Variants in ZNF551 observed in about 807,000 individuals in gnomAD.
The protein encoded by ZNF551 is zinc finger protein 551.
A neutral mutation model predicts 7.9 loss-of-function variants in ZNF551; 5 were observed. That is an observed-to-expected ratio of 0.63 (90% CI 0.33 to 1.33). The LOEUF is 1.33. Ranked by LOEUF, ZNF551 falls within the 40% of genes most tolerant of loss-of-function variation. ZNF551 has a pLI of 0.05. For synonymous variants in ZNF551, 287 were observed against 277.3 expected (o/e 1.03, Z -0.35); for missense variants, 788 against 825.2 (o/e 0.95, Z 0.55).
chr19:57,686,894 A>C lies in ZNF551; in HGVS notation c.619A>C (p.Ser207Arg). 19 of 1,614,238 alleles carry C rather than the reference A, an allele frequency of 1.2e-5. No homozygotes were observed. The highest frequency in any genetic ancestry group is 1.6e-5 in the Non-Finnish European group (19 of 1,180,044). ...CACTCCCAGTGGTGAGGAGCCACAC[A>C]GTAGCAGCAGCAAGCATATACAGGC... ...EATPSGEEPH[S>R]SSSKHIQAFF... The change falls in exon 3 of 3, where the codon AGT (serine) becomes CGT (arginine). Residue 207 changes from serine to arginine, a missense_variant. Physicochemically the swap from Ser to Arg is moderately radical, Grantham distance 110 (BLOSUM62 -1). Transcript: ENST00000282296.
intron 1 of ZNF551, among the ~76,000 whole-genome samples, chr19:57,684,880 G>C (rs1284615735): frequency 6.6e-6 from 1 of 152,174 alleles, no homozygotes; most frequent in African/African-American, 2.4e-5. Context: ...AGTCAGAGGG[G>C]TAAAGGGTAA....
At chr19:57,685,491 C>A in intron 2 of ZNF551, 106 bp downstream of exon 2, 1 of 1,556,392 alleles carries the variant, frequency 6.4e-7, no homozygotes, top group Non-Finnish European at 8.9e-7. Context: ...TTTTTCTTGT[C>A]TTCCCCCTGT....
Position 57,687,106 on chromosome 19 carries a change from G to C in ZNF551, c.831G>C (p.Lys277Asn). Residue 277 changes from lysine to asparagine, a missense_variant, in exon 3 of 3, where the codon AAG becomes AAC. Lys to Asn is a moderately conservative substitution (Grantham distance 94). Transcript: ENST00000282296. ...VQHQQIHTGQ[K>N]MFECSECEES... ...ACCAGCAAATTCACACTGGACAAAA[G>C]ATGTTTGAGTGTAGTGAATGTGAGG... The C allele has an allele frequency of 6.2e-7, 1 of 1,614,238 alleles. No homozygotes were observed. The highest frequency in any genetic ancestry group is 1.6e-4 in the Middle Eastern group (1 of 6,062).
chr19:57,687,504 G>T lies in ZNF551; in HGVS notation c.1229G>T (p.Arg410Ile). ...FRQIFNLIRH[R>I]RVHTGEMPYQ... ...CAAATCTTCAATCTCATTCGACATA[G>T]AAGAGTTCACACTGGAGAAATGCCT... The change falls in exon 3 of 3, where the codon AGA becomes ATA. Residue 410 changes from arginine to isoleucine, a missense_variant. Arg to Ile is a moderately conservative substitution (Grantham distance 97). Coordinates refer to ENST00000282296, the MANE Select transcript of ZNF551 (RefSeq NM_138347.5). 1.2e-6 allele frequency: 2 copies of T among 1,613,798 alleles called. No homozygotes were observed. Among genetic ancestry groups the T allele is most frequent in the South Asian group, 2.2e-5 (2 of 91,068 alleles).
At chr19:57,684,359 G>A (rs1250807627) in intron 1 of ZNF551, among the ~76,000 whole-genome samples, 1 of 152,102 alleles carries the variant, frequency 6.6e-6, no homozygotes, top group Non-Finnish European at 1.5e-5. Flanking sequence ...AGAGAAGTGT[G>A]GTAGAGTATT....
At position 57,688,391 on chromosome 19, in the gene ZNF551, ATTC is replaced by A. The variant is rs1434910343; in HGVS notation, c.*107_*109del. The A allele has an allele frequency of 7.5e-6, 11 of 1,458,924 alleles. No homozygotes were observed. The highest frequency in any genetic ancestry group is 2.1e-5 in the Admixed American group (1 of 46,956). 90.4% of individuals were successfully genotyped at this position (1,458,924 alleles called of 1,614,324 possible). A position where few individuals can be genotyped will look rare whatever the true frequency, so the allele number is the denominator to read the frequency against. ...AAACTTTGAGCACCCACAGTGGGGT[ATTC>A]TTCATAAGTTTCAGGTATGTGGGAA... On this transcript the variant is annotated 3_prime_UTR_variant, in exon 3 of 3. Coordinates refer to ENST00000282296, the MANE Select transcript of ZNF551 (RefSeq NM_138347.5).
chr19:57,682,076 C>G lies in ZNF551; in HGVS notation c.-88C>G. The stretch of plus-strand genomic sequence containing the variant: ...TGGAGGTCGCGACTGAGGGACGGGA[C>G]AGAGAAGTCGCGAAAGTGGGCCAGA... On this transcript the variant is annotated 5_prime_UTR_variant, in exon 1 of 3. Transcript: ENST00000282296. 11 of 1,401,878 alleles carry G rather than the reference C, an allele frequency of 7.8e-6. No homozygotes were observed. Among genetic ancestry groups the G allele is most frequent in the Non-Finnish European group, 9.7e-6 (10 of 1,033,170 alleles). 86.8% of individuals were successfully genotyped at this position (1,401,878 alleles called of 1,614,324 possible).
At position 57,686,814 on chromosome 19, in the gene ZNF551, A is replaced by G; in HGVS notation, c.539A>G (p.Tyr180Cys). ...VTGCRFHVLN[Y>C]FTCGEAFPAP... is the part of the protein sequence containing the mutation. ...GGCTGCAGATTCCATGTGTTGAATT[A>G]TTTCACCTGTGGGGAGGCCTTCCCA... is the stretch of plus-strand genomic sequence containing the variant. The change falls in exon 3 of 3, where the codon TAT becomes TGT. Residue 180 changes from tyrosine to cysteine, a missense_variant. Transcript: ENST00000282296. 1 of 1,614,158 alleles carries G rather than the reference A, an allele frequency of 6.2e-7. No individual in the cohort carries two copies. Among genetic ancestry groups the G allele is most frequent in the Non-Finnish European group, 8.5e-7 (1 of 1,180,024 alleles).
rs1984519320 is a variant in ZNF551 at position 57,685,276 on chromosome 19, G to A, written c.96G>A (p.Glu32=). The A allele has an allele frequency of 1.2e-6, 2 of 1,613,986 alleles. No homozygotes were observed. Among genetic ancestry groups the A allele is most frequent in the African/African-American group, 1.3e-5 (1 of 74,904 alleles). ...TGCTGTGACAGGGTATGACCTTTGA[G>A]GATGTGGCCATTTATTTCTCCCAAG... ...LRDSAQGMTF[E]DVAIYFSQEE... is the part of the protein sequence containing the mutation. The change falls in exon 2 of 3, where the codon GAG becomes GAA. Residue 32 remains glutamate (E), a synonymous_variant. Transcript: ENST00000282296.
In ZNF551 at chr19:57,686,753, T is replaced by C; in HGVS notation, c.478T>C (p.Trp160Arg). The C allele has an allele frequency of 6.2e-7, 1 of 1,614,126 alleles. No individual in the cohort carries two copies. The highest frequency in any genetic ancestry group is 8.5e-7 in the Non-Finnish European group (1 of 1,180,014). Reference protein sequence around the residue: ...HQKHYNEEEPWKRKVDEATFV... With the variant: ...HQKHYNEEEPRKRKVDEATFV... ...AAAGCATTACAATGAAGAAGAGCCCTGGAAAAGGAAGGTGGATGAGGCTAC... is the reference window on the plus strand; with the variant it reads ...AAAGCATTACAATGAAGAAGAGCCCCGGAAAAGGAAGGTGGATGAGGCTAC... Residue 160 changes from tryptophan (W) to arginine (R), a missense_variant, in exon 3 of 3, where the codon TGG (tryptophan) becomes CGG (arginine). By Grantham distance (101) the Trp-to-Arg change is moderately radical. Transcript: ENST00000282296.
rs770093467 is a variant in ZNF551 at position 57,682,223 on chromosome 19, C to A, written c.60C>A (p.Val20=). The A allele has an allele frequency of 4.5e-6, 7 of 1,550,490 alleles. No homozygotes were observed. In the South Asian group the frequency reaches 8.3e-5, roughly 18 times the overall value. Residue 20 remains valine, a synonymous_variant, in exon 1 of 3, where the codon GTC becomes GTA. Coordinates refer to ENST00000282296, the MANE Select transcript of ZNF551 (RefSeq NM_138347.5). ...PPSPRSSMAA[V]ALRDSAQGMT... is the part of the protein sequence containing the mutation. ...GTCCACGGAGCTCAATGGCGGCAGTCGCGCTGAGGGACTCGGCTCAGGTGA... is the reference window on the plus strand; with the variant it reads ...GTCCACGGAGCTCAATGGCGGCAGTAGCGCTGAGGGACTCGGCTCAGGTGA...
In ZNF551 at chr19:57,686,653, C is replaced by T. The variant is rs771810362; in HGVS notation, c.378C>T (p.Ser126=). The T allele has an allele frequency of 1.2e-5, 19 of 1,614,174 alleles. No individual in the cohort carries two copies. The highest frequency in any genetic ancestry group is 1.5e-5 in the Non-Finnish European group (18 of 1,180,026). The stretch of plus-strand genomic sequence containing the variant: ...CTGCGGCTGAGCACCAAACCACATC[C>T]CCTGTGCAAAAGTCATACTTGGGTA... The part of the protein sequence containing the change: ...ILPAAEHQTT[S]PVQKSYLGST... Residue 126 remains serine (S), a synonymous_variant, in exon 3 of 3, where the codon TCC becomes TCT. Coordinates refer to ENST00000282296, the MANE Select transcript of ZNF551 (RefSeq NM_138347.5).
intron 1 of ZNF551, 35 bp downstream of exon 1, chr19:57,682,279 C>T: frequency 1.9e-6 from 3 of 1,545,546 alleles, no homozygotes; most frequent in Non-Finnish European, 2.6e-6. Context: ...CGCCTACCTC[C>T]CCCAGCAGAA....
In ZNF551 at chr19:57,690,088, TAAAAA is replaced by T. The variant is rs34604879; in HGVS notation, c.*1805_*1809del. On this transcript the variant is annotated 3_prime_UTR_variant, in exon 3 of 3. Coordinates refer to ENST00000282296, the MANE Select transcript of ZNF551 (RefSeq NM_138347.5). Reference sequence around the variant, plus strand: ...GTCCATATCAGGTTGCCACCCTGATTAAAAAAAAAGGAACATCTAGGCTCTTAATT... The same window carrying T: ...GTCCATATCAGGTTGCCACCCTGATTAAAAGGAACATCTAGGCTCTTAATT... 2 of 150,630 alleles carry T rather than the reference TAAAAA, an allele frequency of 1.3e-5. No homozygotes were observed. Among genetic ancestry groups the T allele is most frequent in the Non-Finnish European group, 3.0e-5 (2 of 67,630 alleles). 9.3% of individuals were successfully genotyped at this position (150,630 alleles called of 1,614,324 possible). A position where few individuals can be genotyped will look rare whatever the true frequency, so the allele number is the denominator to read the frequency against.
chr19:57,683,903 TTGG>T (rs1984468552), intron 1 of ZNF551, among the ~76,000 whole-genome samples: 1 of 152,132 alleles, frequency 6.6e-6, no homozygotes, highest in Non-Finnish European at 1.5e-5. Context: ...ATATTAACTC[TTGG>T]TGGGATCTGG....
Position 57,688,354 on chromosome 19 carries a change from C to T in ZNF551, c.*66C>T, listed in dbSNP as rs1257023059. On this transcript the variant is annotated 3_prime_UTR_variant, in exon 3 of 3. Transcript: ENST00000282296. ...CACTGGAGGAGACTGTGGTAGCCAT[C>T]TTCGTAAATTTAAACTTTGAGCACC... is the stretch of plus-strand genomic sequence containing the variant. 1 of 1,549,156 alleles carries T rather than the reference C, an allele frequency of 6.5e-7. No homozygotes were observed.
intron 1 of ZNF551, among the ~76,000 whole-genome samples, chr19:57,685,053 T>C (rs1205110362): frequency 1.3e-5 from 2 of 152,140 alleles, no homozygotes; most frequent in African/African-American, 4.8e-5. Context: ...GCCCAGAGCT[T>C]AGATAGCATC....
In ZNF551 at chr19:57,689,923, G is replaced by A. The variant is rs1482224954; in HGVS notation, c.*1635G>A. 1 of 152,110 alleles carries A rather than the reference G, an allele frequency of 6.6e-6. No homozygotes were observed. Among genetic ancestry groups the A allele is most frequent in the Non-Finnish European group, 1.5e-5 (1 of 68,036 alleles). 9.4% of individuals were successfully genotyped at this position (152,110 alleles called of 1,614,324 possible). The stretch of plus-strand genomic sequence containing the variant: ...AGAATAGAGAGAAGGATCATTCCGC[G>A]GTCCAGGGATGTGGCTTTTGTGACT... On this transcript the variant is annotated 3_prime_UTR_variant, in exon 3 of 3. Transcript: ENST00000282296.
intron 1 of ZNF551, 23 bp from the exon 2 acceptor site, chr19:57,685,239 T>C (rs1261288384): frequency 1.9e-6 from 3 of 1,612,612 alleles, no homozygotes; most frequent in Non-Finnish European, 2.5e-6. Flanking sequence ...TGATCGTGGA[T>C]TGAACTATTC....
Sources: allele counts gnomAD v4.1 joint callset (sites outside exome capture counted in the v4.1 genomes callset), GRCh38; gene constraint gnomAD v4.1.1; transcripts MANE v1.5; gene names NCBI Gene and HGNC (gene_info 2026-07-23, HGNC 2026-07-21).